Variants in ARHGAP31 observed in about 807,000 individuals in gnomAD.
ARHGAP31 encodes Rho GTPase activating protein 31.
Under a neutral mutation model 113.9 loss-of-function variants are expected in ARHGAP31, and 34 were observed. That is an observed-to-expected ratio of 0.30 (90% CI 0.23 to 0.40). ARHGAP31 has a LOEUF of 0.40. ARHGAP31 is among the 10% of genes least tolerant of loss of function. The probability of loss-of-function intolerance (pLI) is 1.00; values close to 1 mark genes in which losing one functional copy is unlikely to be tolerated. For missense variants in ARHGAP31, 1,548 were observed against 1,767.1 expected, an observed-to-expected ratio of 0.88 and a Z score of 2.22; for synonymous variants, 650 against 684.8, an observed-to-expected ratio of 0.95 and a Z score of 0.79.
At position 119,415,560 on chromosome 3, in the gene ARHGAP31, C is replaced by T; in HGVS notation, c.3631C>T (p.Gln1211Ter). The stretch of plus-strand genomic sequence containing the variant: ...CATCCCTCCCAAGATTCAGTACACC[C>T]AGATCCCACAGCCCCTGCCCTCTCA... ...PVIPPKIQYT[Q>*]IPQPLPSQSS... is the part of the protein sequence containing the mutation. Residue 1211 changes from glutamine (Q) to a stop codon, truncating the protein, a stop_gained, in exon 12 of 12, where the codon CAG becomes TAG. Coordinates refer to ENST00000264245, the MANE Select transcript of ARHGAP31 (RefSeq NM_020754.4). LOFTEE classifies it high-confidence loss of function. The T allele has an allele frequency of 1.2e-6, 2 of 1,614,164 alleles. No individual in the cohort carries two copies. The highest frequency in any genetic ancestry group is 1.7e-6 in the Non-Finnish European group (2 of 1,180,032).
intron 1 of ARHGAP31, chr3:119,329,997 A>G (rs530119348): frequency 2.0e-6 from 2 of 985,438 alleles, no homozygotes; most frequent in East Asian, 1.1e-4. Flanking sequence ...GTGAGTTTCC[A>G]CTATCATCGG....
chr3:119,416,737 T>G lies in ARHGAP31; in HGVS notation c.*473T>G. 4.7e-6 allele frequency: 1 copy of G among 210,688 alleles called. No homozygotes were observed. Among genetic ancestry groups the G allele is most frequent in the Non-Finnish European group, 9.6e-6 (1 of 103,810 alleles). The allele number at this position is 210,688 out of a possible 1,614,324, so 13.1% of individuals were successfully genotyped here. A position where few individuals can be genotyped will look rare whatever the true frequency, so the allele number is the denominator to read the frequency against. On this transcript the variant is annotated 3_prime_UTR_variant, in exon 12 of 12. Transcript: ENST00000264245. ...TTTTAATGCTCTTTCAAACGTGTTCTTTTAGACCAGTTTTCTAATAAGCTT... is the reference window on the plus strand; with the variant it reads ...TTTTAATGCTCTTTCAAACGTGTTCGTTTAGACCAGTTTTCTAATAAGCTT...
At chr3:119,391,588 T>TCC (rs1250576354) in intron 7 of ARHGAP31, among the ~76,000 whole-genome samples, 6 of 99,012 alleles carry the variant, frequency 6.1e-5, no homozygotes, top group South Asian at 3.8e-4. Flanking sequence ...CCTGGGTCTC[T>TCC]ACCCCCCCCT....
At chr3:119,390,756 A>G (rs772310944) in intron 6 of ARHGAP31, 29 bp from the exon 7 acceptor site, 2 of 1,608,128 alleles carry the variant, frequency 1.2e-6, no homozygotes, top group East Asian at 4.5e-5. Flanking sequence ...GGCCTCCTCC[A>G]ACACTGAGCT....
At chr3:119,369,711 A>T (rs1365070486) in intron 3 of ARHGAP31, among the ~76,000 whole-genome samples, 1 of 152,234 alleles carries the variant, frequency 6.6e-6, no homozygotes, top group Non-Finnish European at 1.5e-5. Context: ...ACAACTGTAT[A>T]TTAAGAAAGG....
rs1559993842 is a variant in ARHGAP31 at position 119,402,033 on chromosome 3, C to G, written c.1281C>G (p.Pro427=). 1 of 1,613,954 alleles carries G rather than the reference C, an allele frequency of 6.2e-7. No homozygotes were observed. Among genetic ancestry groups the G allele is most frequent in the African/African-American group, 1.3e-5 (1 of 74,888 alleles). ...RSHLQGAQAR[P]PPEQLKVFRP... Reference sequence around the variant, plus strand: ...ATCTCCAGGGCGCTCAGGCCCGGCCCCCACCGGAACAGCTGAAGGTTTTCC... The same window carrying G: ...ATCTCCAGGGCGCTCAGGCCCGGCCGCCACCGGAACAGCTGAAGGTTTTCC... Residue 427 remains proline, a synonymous_variant, in exon 10 of 12, where the codon CCC becomes CCG. Transcript: ENST00000264245.
intron 7 of ARHGAP31, among the ~76,000 whole-genome samples, chr3:119,393,049 C>G (rs1559990985): frequency 6.6e-6 from 1 of 152,154 alleles, no homozygotes. Context: ...CAAGGCCAGC[C>G]TGGGCAAGAT....
chr3:119,380,875 ACCAGGCTGC>A lies in ARHGAP31; in HGVS notation c.349-27_349-19del, dbSNP rs749558414. The A allele has an allele frequency of 1.2e-6, 2 of 1,608,082 alleles. No homozygotes were observed. The highest frequency in any genetic ancestry group is 8.5e-7 in the Non-Finnish European group (1 of 1,174,688). ...TGGCTGTCCCTGCTCTCAAGCACTC[ACCAGGCTGC>A]CTTGTGTTCTTCTCCACAGGAGGCA... On this transcript the variant is annotated intron_variant, in intron 3 of 11. Transcript: ENST00000264245.
At position 119,414,088 on chromosome 3, in the gene ARHGAP31, G is replaced by C; in HGVS notation, c.2159G>C (p.Arg720Thr). ...PVSTPLEVWT[R>T]DPANQSTQGA... The stretch of plus-strand genomic sequence containing the variant: ...TCCACCCCTCTGGAGGTGTGGACTA[G>C]GGATCCAGCCAATCAGAGCACACAG... The change falls in exon 12 of 12, where the codon AGG becomes ACG. Residue 720 changes from arginine (R) to threonine (T), a missense_variant. Transcript: ENST00000264245. 1 of 1,614,192 alleles carries C rather than the reference G, an allele frequency of 6.2e-7. No homozygotes were observed. Among genetic ancestry groups the C allele is most frequent in the South Asian group, 1.1e-5 (1 of 91,080 alleles).
chr3:119,317,390 G>A (rs1175491137), intron 1 of ARHGAP31, among the ~76,000 whole-genome samples: 1 of 152,110 alleles, frequency 6.6e-6, no homozygotes, highest in African/African-American at 2.4e-5. Flanking sequence ...GTGTTAGCCA[G>A]GATGGTCTCG....
rs1014567145 is a variant in ARHGAP31, at chr3:119,300,355, AATGAT to A, written c.100+5358_100+5362del. ...GGATGAGGCTCCAATTAAATGAGTAAATGATATGATAAGATGGAGCTAATCCATCA... is the reference window on the plus strand; with the variant it reads ...GGATGAGGCTCCAATTAAATGAGTAAATGATAAGATGGAGCTAATCCATCA... On this transcript the variant is annotated intron_variant, in intron 1 of 11. Coordinates refer to ENST00000264245, the MANE Select transcript of ARHGAP31 (RefSeq NM_020754.4). 1.4e-4 allele frequency among the ~76,000 whole-genome samples: 22 copies of A among 152,314 alleles called. No individual in the cohort carries two copies. The South Asian group carries it at 3.7e-3, about 26-fold the overall frequency.
intron 10 of ARHGAP31, among the ~76,000 whole-genome samples, chr3:119,405,894 A>C (rs1191333550): frequency 6.6e-5 from 10 of 152,252 alleles, no homozygotes; most frequent in African/African-American, 2.4e-4. Flanking sequence ...AACTTACCCA[A>C]GGATAGAAGC....
intron 1 of ARHGAP31, among the ~76,000 whole-genome samples, chr3:119,310,102 G>A (rs538317634): frequency 3.9e-5 from 6 of 152,288 alleles, no homozygotes; most frequent in Admixed American, 3.9e-4. Context: ...ACACTACACG[G>A]TCCCTTTCTA....
rs1191248160 is a variant in ARHGAP31, at chr3:119,420,366, C to T, written c.*4102C>T. ...TATGTGCTCTACTACCAAAACCTTT[C>T]CTAGCAAAACAAGGCCAGAAGAGGG... On this transcript the variant is annotated 3_prime_UTR_variant, in exon 12 of 12. Transcript: ENST00000264245. The T allele has an allele frequency of 6.7e-6, 1 of 149,372 alleles. No individual in the cohort carries two copies. Among genetic ancestry groups the T allele is most frequent in the Non-Finnish European group, 1.5e-5 (1 of 66,800 alleles). 9.3% of individuals were successfully genotyped at this position (149,372 alleles called of 1,614,324 possible).
At chr3:119,356,663 C>T (rs894050718) in intron 1 of ARHGAP31, among the ~76,000 whole-genome samples, 1 of 151,828 alleles carries the variant, frequency 6.6e-6, no homozygotes, top group Non-Finnish European at 1.5e-5. Flanking sequence ...AAAAAACAAC[C>T]AGATGCTAGC....
Position 119,294,858 on chromosome 3 carries a change from G to GC in ARHGAP31, c.-46dup. The GC allele has an allele frequency of 6.4e-7, 1 of 1,565,220 alleles. No individual in the cohort carries two copies. Among genetic ancestry groups the GC allele is most frequent in the Non-Finnish European group, 8.8e-7 (1 of 1,136,352 alleles). On this transcript the variant is annotated 5_prime_UTR_variant, in exon 1 of 12. Coordinates refer to ENST00000264245, the MANE Select transcript of ARHGAP31 (RefSeq NM_020754.4). The stretch of plus-strand genomic sequence containing the variant: ...GGAGCCCATCTTACAGCGGTGCCAA[G>GC]CAGAGGGGCGGCAGAGACGGAGGGG...
Position 119,368,358 on chromosome 3 carries a change from C to T in ARHGAP31, c.204-14C>T, listed in dbSNP as rs758688075. On this transcript the variant is annotated splice_polypyrimidine_tract_variant and intron_variant, in intron 2 of 11. Transcript: ENST00000264245. Reference sequence around the variant, plus strand: ...CTCCCTGGGATTGTTATGTCTCCGTCTGTGTTGTTTCAGGCAAGAGTTTGG... The same window carrying T: ...CTCCCTGGGATTGTTATGTCTCCGTTTGTGTTGTTTCAGGCAAGAGTTTGG... 6.2e-7 allele frequency: 1 copy of T among 1,614,094 alleles called. No homozygotes were observed. Among genetic ancestry groups the T allele is most frequent in the South Asian group, 1.1e-5 (1 of 91,066 alleles).
At chr3:119,364,803 C>A (rs1313506322) in intron 1 of ARHGAP31, among the ~76,000 whole-genome samples, 1 of 151,974 alleles carries the variant, frequency 6.6e-6, no homozygotes, top group Non-Finnish European at 1.5e-5. Context: ...TTAAAAAAAA[C>A]AATTCTTGGC....
chr3:119,414,276 C>T lies in ARHGAP31; in HGVS notation c.2347C>T (p.Pro783Ser), dbSNP rs1312665951. The T allele has an allele frequency of 6.2e-7, 1 of 1,614,190 alleles. No homozygotes were observed. The highest frequency in any genetic ancestry group is 1.3e-5 in the African/African-American group (1 of 75,048). The change falls in exon 12 of 12, where the codon CCT (proline) becomes TCT (serine). Residue 783 changes from proline (P) to serine (S), a missense_variant. Coordinates refer to ENST00000264245, the MANE Select transcript of ARHGAP31 (RefSeq NM_020754.4). ...AGGCAATCTGTCTCCTCCACTCCCA[C>T]CTGCTCCTCCCCCTCCAACTCCTCT... ...GPGNLSPPLPPAPPPPTPLEE... is the reference protein window; with the variant it reads ...GPGNLSPPLPSAPPPPTPLEE...
Sources: gnomAD v4.1 joint callset for allele counts (sites outside exome capture counted in the v4.1 genomes callset) on GRCh38, gnomAD v4.1.1 for gene constraint, MANE v1.5 for transcripts, NCBI Gene and HGNC (gene_info 2026-07-23, HGNC 2026-07-21) for gene names.